RCSD1: variants seen among roughly 807,000 people sequenced by gnomAD.
RCSD1 encodes RCSD domain containing 1, also known as capZ-interacting protein.
RCSD1 carries 26 observed loss-of-function variants against 42.5 expected under a neutral mutation model. That is an observed-to-expected ratio of 0.61 (90% confidence interval 0.45 to 0.85). The LOEUF (loss-of-function observed/expected upper bound fraction) is 0.85, where lower values mean the gene tolerates loss of function less well. Ranked by LOEUF, RCSD1 falls within the 40% of genes least tolerant of loss-of-function variation. The pLI, the probability that RCSD1 is intolerant of heterozygous loss-of-function variation, is 0.00. For missense variants in RCSD1, 571 were observed against 528.3 expected (o/e 1.08, Z -0.79); for synonymous variants, 220 against 212.2 (o/e 1.04, Z -0.32).
intron 1 of RCSD1, among the ~76,000 whole-genome samples, chr1:167,650,801 T>C (rs1658282008): frequency 6.6e-6 from 1 of 151,950 alleles, no homozygotes; most frequent in Admixed American, 6.6e-5. Flanking sequence ...CGTGGTACGA[T>C]GGGGTAAGGA....
rs776767845 is a variant in RCSD1, at chr1:167,697,260, G to T, written c.636G>T (p.Lys212Asn). The T allele has an allele frequency of 6.2e-7, 1 of 1,614,192 alleles. No homozygotes were observed. The highest frequency in any genetic ancestry group is 8.5e-7 in the Non-Finnish European group (1 of 1,180,038). The change falls in exon 6 of 7, where the codon AAG becomes AAT. Residue 212 changes from lysine to asparagine, a missense_variant. Transcript: ENST00000367854. Reference protein sequence around the residue: ...DGDEVLPSKSKAPGSPLSSEG... With the variant: ...DGDEVLPSKSNAPGSPLSSEG... Reference sequence around the variant, plus strand: ...ATGAAGTGTTGCCATCCAAGAGCAAGGCCCCAGGATCCCCTTTGTCCAGTG... The same window carrying T: ...ATGAAGTGTTGCCATCCAAGAGCAATGCCCCAGGATCCCCTTTGTCCAGTG...
rs112283835 is a variant in RCSD1 at position 167,658,592 on chromosome 1, AT to A, written c.7-25298del. On this transcript the variant is annotated intron_variant, in intron 1 of 6. Coordinates refer to ENST00000367854, the MANE Select transcript of RCSD1 (RefSeq NM_052862.4). ...AGGCACGTGCCACCACGCCTGGTTA[AT>A]TTTTTTTTTCTTTTTTTTGGAGAGA... 2.1e-3 allele frequency among the ~76,000 whole-genome samples: 285 copies of A among 138,480 alleles called. 2 individuals carry two copies. Among genetic ancestry groups the A allele is most frequent in the African/African-American group, 6.4e-3 (258 of 40,014 alleles). The allele number at this position is 138,480 out of a possible 152,430, so 90.8% of individuals were successfully genotyped here. A position where few individuals can be genotyped will look rare whatever the true frequency, so the allele number is the denominator to read the frequency against.
chr1:167,682,167 G>A (rs557769463), intron 1 of RCSD1, among the ~76,000 whole-genome samples: 5 of 149,730 alleles, frequency 3.3e-5, no homozygotes, highest in South Asian at 2.1e-4. Context: ...ATCCCTAAAC[G>A]AAGCCTTTTT....
At chr1:167,642,163 C>T (rs1447684199) in intron 1 of RCSD1, among the ~76,000 whole-genome samples, 1 of 152,238 alleles carries the variant, frequency 6.6e-6, no homozygotes, top group Non-Finnish European at 1.5e-5. Flanking sequence ...GTACCATCCT[C>T]TCATGGCCTC....
At chr1:167,651,494 C>T (rs12406904) in intron 1 of RCSD1, among the ~76,000 whole-genome samples, 3,285 of 152,330 alleles carry the variant, frequency 0.022, 108 homozygotes, top group African/African-American at 0.072. Context: ...CCTCGCACGC[C>T]GACCTGGGCC....
rs1659447129 is a variant in RCSD1, at chr1:167,694,311, TA to T, written c.474+10del. 1.9e-6 allele frequency: 3 copies of T among 1,612,412 alleles called. No individual in the cohort carries two copies. Among genetic ancestry groups the T allele is most frequent in the Non-Finnish European group, 2.5e-6 (3 of 1,179,108 alleles). On this transcript the variant is annotated intron_variant, in intron 5 of 6. Transcript: ENST00000367854. ...TGCCCTGTTACAACAAGGTAAATTC[TA>T]GCTCCAGATTATGGCGGTGTGTCTG...
chr1:167,632,632 A>G (rs1166603717), intron 1 of RCSD1, among the ~76,000 whole-genome samples: 1 of 142,164 alleles, frequency 7.0e-6, no homozygotes, highest in Non-Finnish European at 1.6e-5. Flanking sequence ...TTTGGGAGGG[A>G]CGCAGGGAGG....
chr1:167,692,625 A>G (rs1659402676), intron 4 of RCSD1, among the ~76,000 whole-genome samples: 1 of 152,032 alleles, frequency 6.6e-6, no homozygotes, highest in Admixed American at 6.6e-5. Context: ...CCTCCTGTGT[A>G]GCAGGGATTA....
chr1:167,678,843 C>T (rs1478480380), intron 1 of RCSD1, among the ~76,000 whole-genome samples: 2 of 152,370 alleles, frequency 1.3e-5, no homozygotes, highest in East Asian at 1.9e-4. Context: ...TGCCCCTCAA[C>T]CTTTGTTTCT....
intron 1 of RCSD1, among the ~76,000 whole-genome samples, chr1:167,637,659 G>A (rs554823123): frequency 8.6e-5 from 13 of 151,986 alleles, no homozygotes; most frequent in Non-Finnish European, 1.9e-4. Flanking sequence ...GAATGCCTTT[G>A]TTCAAGCTCA....
intron 1 of RCSD1, among the ~76,000 whole-genome samples, chr1:167,682,430 A>T (rs890062953): frequency 1.3e-5 from 2 of 152,128 alleles, no homozygotes; most frequent in Non-Finnish European, 2.9e-5. Context: ...GGCCTCCCAA[A>T]GTGCTGGGAT....
At position 167,682,924 on chromosome 1, in the gene RCSD1, C is replaced by T. The variant is rs367812865; in HGVS notation, c.7-976C>T. Among the ~76,000 whole-genome samples the T allele has an allele frequency of 3.3e-5, 5 of 152,210 alleles. No individual in the cohort carries two copies. The South Asian group carries it at 6.2e-4, about 19-fold the overall frequency. ...ACAAAAGACAAAAACCTAATGTCTC[C>T]GGGACTGGACATGTAAAAAATCTTA... On this transcript the variant is annotated intron_variant, in intron 1 of 6. Transcript: ENST00000367854.
At chr1:167,662,653 G>A (rs1470013331) in intron 1 of RCSD1, among the ~76,000 whole-genome samples, 3 of 152,184 alleles carry the variant, frequency 2.0e-5, no homozygotes, top group Non-Finnish European at 4.4e-5. Context: ...GGAATAAAAG[G>A]ACCGTATCAT....
chr1:167,701,315 T>C (rs1390826882), intron 6 of RCSD1, among the ~76,000 whole-genome samples: 1 of 149,278 alleles, frequency 6.7e-6, no homozygotes, highest in East Asian at 1.9e-4. Context: ...TTTCTTTCTT[T>C]CTTTTTTTTA....
At chr1:167,701,252 GTTTCTTTCTTTC>G (rs11446259) in intron 6 of RCSD1, among the ~76,000 whole-genome samples, 1,918 of 96,126 alleles carry the variant, frequency 0.02, 36 homozygotes, top group African/African-American at 0.043. Flanking sequence ...CAATTGCCTA[GTTTCTTTCTTTC>G]TTTCTTTCTT....
intron 1 of RCSD1, among the ~76,000 whole-genome samples, chr1:167,645,595 TA>T (rs1558073704): frequency 6.6e-6 from 1 of 152,042 alleles, no homozygotes. Flanking sequence ...CACCAAAAAC[TA>T]GGAAGAATTT....
chr1:167,697,162 G>C lies in RCSD1; in HGVS notation c.538G>C (p.Asp180His), dbSNP rs1380820637. 5.0e-6 allele frequency: 8 copies of C among 1,614,200 alleles called. No individual in the cohort carries two copies. Among genetic ancestry groups the C allele is most frequent in the Non-Finnish European group, 6.8e-6 (8 of 1,180,040 alleles). Residue 180 changes from aspartate (D) to histidine (H), a missense_variant, in exon 6 of 7, where the codon GAC (aspartate) becomes CAC (histidine). Physicochemically the swap from Asp to His is moderately conservative, Grantham distance 81 (BLOSUM62 -1). Coordinates refer to ENST00000367854, the MANE Select transcript of RCSD1 (RefSeq NM_052862.4). ...PSRRFRRSQS[D>H]CGELGDFRAV... ...CAGGCGATTCCGAAGGTCACAGTCA[G>C]ACTGTGGAGAACTTGGAGATTTCAG...
At chr1:167,637,621 G>T (rs1341210582) in intron 1 of RCSD1, among the ~76,000 whole-genome samples, 3 of 152,116 alleles carry the variant, frequency 2.0e-5, no homozygotes, top group Non-Finnish European at 4.4e-5. Flanking sequence ...TAGAGAAGTT[G>T]ATTTGAAATA....
chr1:167,664,280 A>C (rs995649191), intron 1 of RCSD1: 1 of 152,208 alleles, frequency 6.6e-6, no homozygotes, highest in Non-Finnish European at 1.5e-5. Context: ...GAGTGGCTGG[A>C]TGTGGCCTAC....
Sources: gnomAD v4.1 joint callset for allele counts (sites outside exome capture counted in the v4.1 genomes callset) on GRCh38, gnomAD v4.1.1 for gene constraint, MANE v1.5 for transcripts, NCBI Gene and HGNC (gene_info 2026-07-23, HGNC 2026-07-21) for gene names.